Variants in SYNJ1 observed in about 807,000 individuals in gnomAD.
SYNJ1 encodes the protein polyphosphatidylinositol phosphatase SYNJ1.
In SYNJ1, 78 loss-of-function variants were observed where a neutral mutation model predicts 168.2. The observed-to-expected ratio is 0.46, with a 90% CI of 0.39 to 0.56. SYNJ1 has a LOEUF of 0.56. Ranked by LOEUF, SYNJ1 falls within the 20% of genes least tolerant of loss-of-function variation. The probability of loss-of-function intolerance (pLI) is 0.00; values close to 1 mark genes in which losing one functional copy is unlikely to be tolerated. For missense variants in SYNJ1, 1,303 were observed against 1,597.6 expected (o/e 0.82, Z 3.14); for synonymous variants, 539 against 548.6 (o/e 0.98, Z 0.24).
chr21:32,722,201 AAAAAATATAT>A (rs1380037175), intron 2 of SYNJ1, among the ~76,000 whole-genome samples: 35 of 113,842 alleles, frequency 3.1e-4, no homozygotes, highest in African/African-American at 6.6e-4. Flanking sequence ...AAAAAAAAAA[AAAAAATATAT>A]ATATATATAT....
At chr21:32,657,937 A>G in intron 18 of SYNJ1, 65 bp from the exon 19 acceptor site, 2 of 1,338,004 alleles carry the variant, frequency 1.5e-6, no homozygotes, top group Non-Finnish European at 2.1e-6. Flanking sequence ...TCATTCAGAC[A>G]GTCATCCATT....
chr21:32,693,127 T>C (rs2042084523), intron 6 of SYNJ1, among the ~76,000 whole-genome samples: 2 of 152,100 alleles, frequency 1.3e-5, no homozygotes, highest in Non-Finnish European at 2.9e-5. Context: ...AAACTGGTTA[T>C]TAGAATCTCT....
Position 32,695,049 on chromosome 21 carries a change from A to T in SYNJ1, c.705+8T>A. On this transcript the variant is annotated splice_region_variant and intron_variant, in intron 5 of 32. Transcript: ENST00000674351. ...AATTAATTAAGTAATATAAAACACT[A>T]TATATACCTGTTCTGTTTCTACAAA... is the stretch of plus-strand genomic sequence containing the variant. 1 of 1,612,386 alleles carries T rather than the reference A, an allele frequency of 6.2e-7. No individual in the cohort carries two copies. Among genetic ancestry groups the T allele is most frequent in the Non-Finnish European group, 8.5e-7 (1 of 1,178,452 alleles).
In SYNJ1 at chr21:32,728,009, C is replaced by G; in HGVS notation, c.-86G>C. On this transcript the variant is annotated 5_prime_UTR_variant, in exon 1 of 33. Coordinates refer to ENST00000674351, the MANE Select transcript of SYNJ1 (RefSeq NM_203446.3). ...GCCGCCACAGCCGCCGGGAGCGTCA[C>G]TTCCGCTCCAGCAGGCCCATCTCTT... The G allele has an allele frequency of 1.3e-6, 2 of 1,536,258 alleles. No individual in the cohort carries two copies. The highest frequency in any genetic ancestry group is 1.7e-6 in the Non-Finnish European group (2 of 1,145,928).
At chr21:32,686,911 A>G (rs1007957246) in intron 8 of SYNJ1, 67 bp downstream of exon 8, 2 of 1,080,830 alleles carry the variant, frequency 1.9e-6, no homozygotes, top group African/African-American at 3.4e-5. Context: ...TTACTGTATT[A>G]TTTTATTTTT....
chr21:32,705,484 T>C (rs2042574668), intron 2 of SYNJ1, among the ~76,000 whole-genome samples: 1 of 152,192 alleles, frequency 6.6e-6, no homozygotes, highest in Admixed American at 6.5e-5. Flanking sequence ...ATAATTGAGA[T>C]ATGTCACAAA....
chr21:32,659,338 T>C (rs2040587124), intron 18 of SYNJ1, among the ~76,000 whole-genome samples: 1 of 152,192 alleles, frequency 6.6e-6, no homozygotes, highest in Non-Finnish European at 1.5e-5. Flanking sequence ...GGAATTATTA[T>C]GGGTTTTCTC....
chr21:32,702,297 G>C (rs896398408), intron 2 of SYNJ1, among the ~76,000 whole-genome samples: 3 of 151,948 alleles, frequency 2.0e-5, no homozygotes, highest in Non-Finnish European at 2.9e-5. Flanking sequence ...TTTTATTCTT[G>C]ACAGAATAGT....
intron 2 of SYNJ1, among the ~76,000 whole-genome samples, chr21:32,725,454 A>G (rs2043410772): frequency 6.6e-6 from 1 of 152,220 alleles, no homozygotes; most frequent in African/African-American, 2.4e-5. Context: ...TATTATTTAT[A>G]CTTATTTCTT....
rs534623414 is a variant in SYNJ1 at position 32,634,790 on chromosome 21, A to C, written c.*3+71T>G. ...AATGGGTGAAACTTTAGATGTATGA[A>C]GCAGAGATTCATACATCTAATGTGT... On this transcript the variant is annotated intron_variant, in intron 32 of 32. Coordinates refer to ENST00000674351, the MANE Select transcript of SYNJ1 (RefSeq NM_203446.3). The C allele has an allele frequency of 2.0e-6, 3 of 1,520,538 alleles. No individual in the cohort carries two copies. The African/African-American group carries it at 4.1e-5, about 21-fold the overall frequency. 94.2% of individuals were successfully genotyped at this position (1,520,538 alleles called of 1,614,324 possible).
chr21:32,635,517 A>C (rs1209157484), intron 31 of SYNJ1, among the ~76,000 whole-genome samples: 1 of 152,140 alleles, frequency 6.6e-6, no homozygotes, highest in African/African-American at 2.4e-5. Context: ...CCAGCCTCCA[A>C]AACTGTGAGA....
chr21:32,719,656 T>C (rs1409406913), intron 2 of SYNJ1, among the ~76,000 whole-genome samples: 1 of 149,658 alleles, frequency 6.7e-6, no homozygotes, highest in East Asian at 2.0e-4. Context: ...GAGGTTGCAG[T>C]GAGCCGAGAC....
chr21:32,716,761 C>A (rs2043037402), intron 2 of SYNJ1, among the ~76,000 whole-genome samples: 1 of 152,200 alleles, frequency 6.6e-6, no homozygotes, highest in South Asian at 2.1e-4. Flanking sequence ...CTGGGATCCA[C>A]ATATTCATGT....
chr21:32,700,292 C>T (rs2042352235), intron 3 of SYNJ1, among the ~76,000 whole-genome samples, 187 bp from the exon 4 acceptor site: 3 of 152,200 alleles, frequency 2.0e-5, no homozygotes, highest in South Asian at 4.1e-4. Flanking sequence ...TATAATAAAG[C>T]ATTTAAACAT....
intron 1 of SYNJ1, 26 bp downstream of exon 1, chr21:32,727,920 T>C: frequency 1.3e-6 from 2 of 1,531,342 alleles, no homozygotes; most frequent in South Asian, 1.2e-5. Context: ...CCGCAGCAGC[T>C]CCCCGCCCCC....
chr21:32,644,684 A>G (rs1471080647), intron 26 of SYNJ1, among the ~76,000 whole-genome samples: 4 of 152,184 alleles, frequency 2.6e-5, no homozygotes, highest in South Asian at 4.1e-4. Flanking sequence ...TACTTGGGAA[A>G]TGTTCTGTAT....
chr21:32,673,623 G>T, intron 13 of SYNJ1, 92 bp from the exon 14 acceptor site: 1 of 1,112,682 alleles, frequency 9.0e-7, no homozygotes, highest in Non-Finnish European at 1.2e-6. Flanking sequence ...CCGCTGGAAA[G>T]CACAATTATT....
chr21:32,672,059 C>CAAAAAAAAAAAAAAAAAAAAAAAAAAA (rs1160074724), intron 14 of SYNJ1, among the ~76,000 whole-genome samples: 40 of 24,642 alleles, frequency 1.6e-3, no homozygotes, highest in South Asian at 2.1e-3. Context: ...AACTCAATCT[C>CAAAAAAAAAAAAAAAAAAAAAAAAAAA]AAAAAAAAAA....
intron 7 of SYNJ1, among the ~76,000 whole-genome samples, chr21:32,687,612 G>A (rs2041879080): frequency 6.6e-6 from 1 of 152,162 alleles, no homozygotes; most frequent in African/African-American, 2.4e-5. Context: ...TCAAGAAGGT[G>A]CATTTATAAA....
Sources: allele counts gnomAD v4.1 joint callset (sites outside exome capture counted in the v4.1 genomes callset), GRCh38; gene constraint gnomAD v4.1.1; transcripts MANE v1.5; gene names NCBI Gene and HGNC (gene_info 2026-07-23, HGNC 2026-07-21).